The following GRM1 variants were observed in gnomAD, a reference collection of about 807,000 sequenced individuals.
GRM1 encodes the protein glutamate metabotropic receptor 1.
GRM1 carries 33 observed loss-of-function variants against 90.9 expected under a neutral mutation model. That is an observed-to-expected ratio of 0.36 (90% confidence interval 0.28 to 0.49). GRM1 has a LOEUF of 0.49. Among genes scored for constraint, GRM1 ranks in the 20% least tolerant of loss-of-function variants. The pLI, the probability that GRM1 is intolerant of heterozygous loss-of-function variation, is 0.99. For synonymous variants in GRM1, 700 were observed against 613.2 expected (o/e 1.14, Z -2.09); for missense variants, 1,190 against 1,534.3 (o/e 0.78, Z 3.75).
intron 1 of GRM1, 26 bp downstream of exon 1, chr6:146,030,243 G>T: frequency 2.0e-6 from 3 of 1,504,324 alleles, no homozygotes; most frequent in South Asian, 1.1e-5. Context: ...GGGAAAGAAG[G>T]GTACTGAGAA....
Position 146,058,767 on chromosome 6 carries a change from T to A in GRM1, c.700+28550T>A, listed in dbSNP as rs547305190. The stretch of plus-strand genomic sequence containing the variant: ...CTTGTCAACTAAGTTTATGTAATGG[T>A]CTCAATCATTTGTTGTCATTTCACA... On this transcript the variant is annotated intron_variant, in intron 1 of 7. Transcript: ENST00000282753. Among the ~76,000 whole-genome samples the A allele has an allele frequency of 1.1e-4, 17 of 152,246 alleles. No homozygotes were observed. In the East Asian group the frequency reaches 2.5e-3, roughly 22 times the overall value.
intron 1 of GRM1, among the ~76,000 whole-genome samples, chr6:146,047,553 C>G (rs1373896179): frequency 6.9e-6 from 1 of 143,974 alleles, no homozygotes; most frequent in Admixed American, 7.1e-5. Context: ...TGAAATGCCA[C>G]TACTTAGGTC....
chr6:146,389,176 T>G (rs1776621465), intron 6 of GRM1, among the ~76,000 whole-genome samples: 1 of 152,030 alleles, frequency 6.6e-6, no homozygotes, highest in Non-Finnish European at 1.5e-5. Context: ...TGACAGTCAT[T>G]CCACTCATCT....
intron 3 of GRM1, among the ~76,000 whole-genome samples, chr6:146,343,856 G>A (rs142220232): frequency 1.8e-3 from 281 of 152,036 alleles, no homozygotes; most frequent in African/African-American, 6.4e-3. Flanking sequence ...TCCTTCACCT[G>A]CACTACACAT....
At chr6:146,275,386 C>T (rs1480202566) in intron 2 of GRM1, among the ~76,000 whole-genome samples, 4 of 152,070 alleles carry the variant, frequency 2.6e-5, no homozygotes, top group African/African-American at 9.7e-5. Context: ...ACAGTTTGTA[C>T]ATGCAGGAAC....
At chr6:146,063,480 C>T (rs1177833913) in intron 1 of GRM1, among the ~76,000 whole-genome samples, 1 of 152,048 alleles carries the variant, frequency 6.6e-6, no homozygotes, top group Non-Finnish European at 1.5e-5. Flanking sequence ...GATTTTTTCT[C>T]AAATCAGACA....
At chr6:146,369,955 A>G (rs897948222) in intron 5 of GRM1, among the ~76,000 whole-genome samples, 19 of 152,050 alleles carry the variant, frequency 1.2e-4, no homozygotes, top group African/African-American at 3.9e-4. Context: ...ATAGCAGTCT[A>G]TCTGTCTCTT....
Position 146,161,970 on chromosome 6 carries a change from G to T in GRM1, c.950+2373G>T, listed in dbSNP as rs749258602. ...TGATTCCCTCTCTTTATCGGGGATG[G>T]ATTCTATCCTAAATGCTGCTCTGTC... On this transcript the variant is annotated intron_variant, in intron 2 of 7. Transcript: ENST00000282753. Among the ~76,000 whole-genome samples the T allele has an allele frequency of 1.6e-4, 25 of 152,082 alleles. 1 individual carries two copies. The highest frequency in any genetic ancestry group is 1.6e-3 in the Admixed American group (25 of 15,266).
intron 2 of GRM1, among the ~76,000 whole-genome samples, chr6:146,273,353 G>A (rs1027166493): frequency 3.3e-5 from 5 of 152,116 alleles, no homozygotes; most frequent in Admixed American, 6.5e-5. Flanking sequence ...ATGCCCCAGC[G>A]GAGAAGGAGA....
intron 2 of GRM1, among the ~76,000 whole-genome samples, chr6:146,204,391 A>G (rs118189902): frequency 6.6e-6 from 1 of 152,272 alleles, no homozygotes; most frequent in East Asian, 1.9e-4. Flanking sequence ...ATCTATTTTT[A>G]TTTTTCTATG....
At chr6:146,425,869 G>T (rs933314007) in intron 7 of GRM1, among the ~76,000 whole-genome samples, 1 of 152,198 alleles carries the variant, frequency 6.6e-6, no homozygotes, top group East Asian at 1.9e-4. Context: ...ACCCCTGGCT[G>T]CCCATCAGCC....
chr6:146,173,389 CAAAAAAAAAAGAAAAGAAAAGA>C (rs1311321174), intron 2 of GRM1, among the ~76,000 whole-genome samples: 16 of 82,524 alleles, frequency 1.9e-4, no homozygotes, highest in Admixed American at 1.5e-3. Flanking sequence ...AACTCTGTCT[CAAAAAAAAAAGAAAAGAAAAGA>C]AAAAAAAAAA....
chr6:146,402,028 A>C (rs2114594631), intron 7 of GRM1, among the ~76,000 whole-genome samples: 1 of 152,322 alleles, frequency 6.6e-6, no homozygotes, highest in East Asian at 1.9e-4. Context: ...TTAGAAATTT[A>C]GAAATTAATT....
intron 1 of GRM1, among the ~76,000 whole-genome samples, chr6:146,130,771 A>G: frequency 6.6e-6 from 1 of 152,186 alleles, no homozygotes. Flanking sequence ...TTAGGCTGTG[A>G]CATTGTAGTG....
At chr6:146,348,469 A>C (rs1211781832) in intron 3 of GRM1, among the ~76,000 whole-genome samples, 1 of 152,214 alleles carries the variant, frequency 6.6e-6, no homozygotes, top group Non-Finnish European at 1.5e-5. Flanking sequence ...GTAGCTGAAG[A>C]GAGTTCTTCC....
rs375633588 is a variant in GRM1 at position 146,120,679 on chromosome 6, G to A, written c.701-38669G>A. On this transcript the variant is annotated intron_variant, in intron 1 of 7. Transcript: ENST00000282753. Reference sequence around the variant, plus strand: ...TTGAATTTTGTCAAAGGCCTTTTCTGCATCTATTGAGATAATCATGTGGTT... The same window carrying A: ...TTGAATTTTGTCAAAGGCCTTTTCTACATCTATTGAGATAATCATGTGGTT... 3.6e-4 allele frequency among the ~76,000 whole-genome samples: 55 copies of A among 152,266 alleles called. No homozygotes were observed. In the East Asian group the frequency reaches 9.1e-3, roughly 25 times the overall value.
chr6:146,063,412 A>G (rs908432786), intron 1 of GRM1, among the ~76,000 whole-genome samples: 3 of 152,196 alleles, frequency 2.0e-5, no homozygotes, highest in African/African-American at 4.8e-5. Flanking sequence ...TCAATTCAAC[A>G]TTGATATTGA....
chr6:146,129,483 T>C (rs548753124), intron 1 of GRM1, among the ~76,000 whole-genome samples: 1 of 152,268 alleles, frequency 6.6e-6, no homozygotes, highest in African/African-American at 2.4e-5. Flanking sequence ...TATAAAGAGT[T>C]GTGGGCAGGA....
chr6:146,288,960 C>A (rs760781468), intron 2 of GRM1, among the ~76,000 whole-genome samples: 31 of 152,260 alleles, frequency 2.0e-4, no homozygotes, highest in Non-Finnish European at 4.3e-4. Context: ...CCAGTATAAA[C>A]AAACCTACTG....
Sources: allele counts gnomAD v4.1 joint callset (sites outside exome capture counted in the v4.1 genomes callset), GRCh38; gene constraint gnomAD v4.1.1; transcripts MANE v1.5; gene names NCBI Gene and HGNC (gene_info 2026-07-23, HGNC 2026-07-21).